Variants in DMXL1 observed in about 807,000 individuals in gnomAD.
DMXL1 encodes Dmx like 1.
DMXL1 carries 99 observed loss-of-function variants against 319.2 expected under a neutral mutation model. The ratio of observed to expected loss-of-function variants is 0.31; its 90% CI spans 0.26 to 0.37. The LOEUF (loss-of-function observed/expected upper bound fraction) is 0.37, where lower values mean the gene tolerates loss of function less well. DMXL1 is among the 10% of genes least tolerant of loss of function. The pLI, the probability that DMXL1 is intolerant of heterozygous loss-of-function variation, is 1.00. For missense variants in DMXL1, 3,745 were observed against 3,595.6 expected (o/e 1.04, Z -1.06); for synonymous variants, 1,385 against 1,235.2 (o/e 1.12, Z -2.54).
At position 119,159,918 on chromosome 5, in the gene DMXL1, C is replaced by G. The variant is rs1771919219; in HGVS notation, c.4703-4589C>G. 2.0e-5 allele frequency among the ~76,000 whole-genome samples: 3 copies of G among 152,354 alleles called. No homozygotes were observed. In the East Asian group the frequency reaches 5.8e-4, roughly 29 times the overall value. Reference sequence around the variant, plus strand: ...GTATTACAGGCATGAGCCACTGCGCCTAGCCTTTCTTTTTCTTAATCTTGC... The same window carrying G: ...GTATTACAGGCATGAGCCACTGCGCGTAGCCTTTCTTTTTCTTAATCTTGC... On this transcript the variant is annotated intron_variant, in intron 19 of 43. Transcript: ENST00000539542.
At position 119,147,378 on chromosome 5, in the gene DMXL1, C is replaced by A; in HGVS notation, c.2819C>A (p.Thr940Asn). The A allele has an allele frequency of 6.2e-7, 1 of 1,613,322 alleles. No homozygotes were observed. The highest frequency in any genetic ancestry group is 8.5e-7 in the Non-Finnish European group (1 of 1,179,524). The change falls in exon 17 of 44, where the codon ACC becomes AAC. Residue 940 changes from threonine (T) to asparagine (N), a missense_variant. Physicochemically the swap from Thr to Asn is moderately conservative, Grantham distance 65. This residue lies in a region of DMXL1 where 2,096 missense variants were observed against 1,985.4 expected (regional missense o/e 1.06). Coordinates refer to ENST00000539542, the MANE Select transcript of DMXL1 (RefSeq NM_001290321.3). ...GCTTGCAGAGCAAATCTCCAGAGTA[C>A]CAGCAGGTTGACTCTGTTTTCAGAA... ...YQACRANLQSTSRLTLFSEMV... is the reference protein window; with the variant it reads ...YQACRANLQSNSRLTLFSEMV...
chr5:119,186,627 A>C (rs903652169), intron 28 of DMXL1, among the ~76,000 whole-genome samples: 4 of 152,220 alleles, frequency 2.6e-5, no homozygotes, highest in Admixed American at 2.0e-4. Flanking sequence ...ACAGCAATAT[A>C]TGTGTGTGGT....
intron 9 of DMXL1, chr5:119,128,135 A>G (rs918162101): frequency 4.0e-6 from 2 of 497,380 alleles, no homozygotes; most frequent in South Asian, 3.0e-5. Context: ...GTGAGCAGCA[A>G]CTGAACACCA....
intron 18 of DMXL1, among the ~76,000 whole-genome samples, chr5:119,151,324 C>T (rs1030884663): frequency 4.0e-5 from 6 of 151,722 alleles, no homozygotes; most frequent in South Asian, 2.1e-4. Context: ...ACCATATATA[C>T]GTCAGTATCC....
At chr5:119,138,343 G>A (rs1766504372) in intron 13 of DMXL1, among the ~76,000 whole-genome samples, 1 of 152,188 alleles carries the variant, frequency 6.6e-6, no homozygotes, top group African/African-American at 2.4e-5. Flanking sequence ...GAAGTAGCAG[G>A]TTTTGAGGGG....
At chr5:119,198,358 G>T (rs1780040308) in intron 32 of DMXL1, among the ~76,000 whole-genome samples, 1 of 152,112 alleles carries the variant, frequency 6.6e-6, no homozygotes, top group African/African-American at 2.4e-5. Context: ...ACTCAACCCT[G>T]CCATTGTAGA....
At chr5:119,115,608 A>G (rs1760670069) in intron 6 of DMXL1, among the ~76,000 whole-genome samples, 1 of 152,184 alleles carries the variant, frequency 6.6e-6, no homozygotes. Context: ...ATAGCTTAAA[A>G]GCAGTACCTG....
intron 1 of DMXL1, among the ~76,000 whole-genome samples, chr5:119,087,527 T>G (rs541057906): frequency 1.3e-5 from 2 of 152,358 alleles, no homozygotes; most frequent in South Asian, 2.1e-4. Flanking sequence ...GTACTTGATA[T>G]AATTTCTGTT....
At position 119,170,426 on chromosome 5, in the gene DMXL1, T is replaced by A. The variant is rs1224471553; in HGVS notation, c.5635T>A (p.Ser1879Thr). 1 of 1,613,994 alleles carries A rather than the reference T, an allele frequency of 6.2e-7. No individual in the cohort carries two copies. Among genetic ancestry groups the A allele is most frequent in the South Asian group, 1.1e-5 (1 of 91,066 alleles). Residue 1879 changes from serine to threonine, a missense_variant, in exon 24 of 44, where the codon TCA (serine) becomes ACA (threonine). Physicochemically the swap from Ser to Thr is moderately conservative, Grantham distance 58. Transcript: ENST00000539542. ...CCCAATGTTGGCTTTGGAAGTATTATCAAAGATGCCTAAAGTCATCAAGAA... is the reference window on the plus strand; with the variant it reads ...CCCAATGTTGGCTTTGGAAGTATTAACAAAGATGCCTAAAGTCATCAAGAA... Reference protein sequence around the residue: ...GCPMLALEVLSKMPKVIKKTR... With the variant: ...GCPMLALEVLTKMPKVIKKTR...
At chr5:119,131,166 T>C (rs1310092588) in intron 10 of DMXL1, among the ~76,000 whole-genome samples, 1 of 151,912 alleles carries the variant, frequency 6.6e-6, no homozygotes, top group East Asian at 1.9e-4. Context: ...TTTTTTTTTT[T>C]TCTTATTGAT....
intron 29 of DMXL1, among the ~76,000 whole-genome samples, chr5:119,192,244 A>G (rs919727077): frequency 2.0e-5 from 3 of 152,152 alleles, no homozygotes; most frequent in Non-Finnish European, 4.4e-5. Flanking sequence ...TCCTCCTGTT[A>G]TAATGGAGAA....
intron 37 of DMXL1, among the ~76,000 whole-genome samples, chr5:119,222,626 A>G (rs1216832772): frequency 1.3e-5 from 2 of 152,172 alleles, no homozygotes; most frequent in Admixed American, 6.5e-5. Context: ...TTCTTTACAC[A>G]GCAGCAGCCA....
chr5:119,105,194 G>A lies in DMXL1; in HGVS notation c.300G>A (p.Gln100=), dbSNP rs201001324. ...KQKKNLELYS[Q]WQKSGQFFLE... is the part of the protein sequence containing the mutation. ...CTTAATTTTAGGAATTATATAGTCA[G>A]TGGCAGAAAAGTGGCCAATTTTTTC... Residue 100 remains glutamine (Q), a synonymous_variant, in exon 4 of 44, where the codon CAG becomes CAA. Transcript: ENST00000539542. 9.9e-6 allele frequency: 16 copies of A among 1,611,202 alleles called. No homozygotes were observed. In the East Asian group the frequency reaches 3.4e-4, roughly 34 times the overall value.
intron 13 of DMXL1, among the ~76,000 whole-genome samples, chr5:119,137,017 G>T (rs1397008630): frequency 6.6e-6 from 1 of 152,210 alleles, no homozygotes; most frequent in African/African-American, 2.4e-5. Flanking sequence ...CTGACAGTTT[G>T]CACCATGTGC....
chr5:119,137,142 A>G lies in DMXL1; in HGVS notation c.2376+2753A>G, dbSNP rs114669786. On this transcript the variant is annotated intron_variant, in intron 13 of 43. Coordinates refer to ENST00000539542, the MANE Select transcript of DMXL1 (RefSeq NM_001290321.3). ...GCCGTGGGAACCCACACCTGTGTCA[A>G]TGTGCCCTGGATGCAAGACATGTAG... 6.1e-3 allele frequency among the ~76,000 whole-genome samples: 934 copies of G among 152,364 alleles called. 11 individuals are homozygous for G. Among genetic ancestry groups the G allele is most frequent in the African/African-American group, 0.02 (812 of 41,588 alleles).
intron 9 of DMXL1, among the ~76,000 whole-genome samples, chr5:119,126,210 G>A (rs1310514740): frequency 6.6e-6 from 1 of 152,182 alleles, no homozygotes. Flanking sequence ...TTGAACCTGG[G>A]AGGCGGAGGT....
intron 1 of DMXL1, among the ~76,000 whole-genome samples, chr5:119,091,571 T>G: frequency 6.6e-6 from 1 of 152,274 alleles, no homozygotes; most frequent in Middle Eastern, 3.4e-3. Flanking sequence ...TTTATTCTAG[T>G]CTTTGGCTTG....
rs749813047 is a variant in DMXL1, at chr5:119,121,014, C to G, written c.977C>G (p.Ala326Gly). Reference protein sequence around the residue: ...HFRRGRRRSLALVAHTGYLPH... With the variant: ...HFRRGRRRSLGLVAHTGYLPH... Reference sequence around the variant, plus strand: ...CGTAGAGGTCGGAGGAGATCACTTGCTCTTGTAGCACATACGGGATATCTA... The same window carrying G: ...CGTAGAGGTCGGAGGAGATCACTTGGTCTTGTAGCACATACGGGATATCTA... Residue 326 changes from alanine to glycine, a missense_variant, in exon 9 of 44, where the codon GCT (alanine) becomes GGT (glycine). By Grantham distance (60) the Ala-to-Gly change is moderately conservative (BLOSUM62 0). Around this residue, in one of 4 missense-constraint regions of DMXL1, gnomAD observed 2,096 missense variants for 1,985.4 expected, o/e 1.06. Coordinates refer to ENST00000539542, the MANE Select transcript of DMXL1 (RefSeq NM_001290321.3). 2.1e-5 allele frequency: 34 copies of G among 1,613,214 alleles called. No homozygotes were observed. The highest frequency in any genetic ancestry group is 2.5e-5 in the Non-Finnish European group (30 of 1,179,840).
chr5:119,166,498 G>A, intron 21 of DMXL1, 118 bp from the exon 22 acceptor site: 1 of 795,292 alleles, frequency 1.3e-6, no homozygotes, highest in Non-Finnish European at 2.0e-6. Flanking sequence ...TACATAGTAA[G>A]TTATGAACTG....
Sources: allele counts gnomAD v4.1 joint callset (sites outside exome capture counted in the v4.1 genomes callset), GRCh38; gene constraint gnomAD v4.1.1; regional missense constraint gnomAD v4.1.1; transcripts MANE v1.5; gene names NCBI Gene and HGNC (gene_info 2026-07-23, HGNC 2026-07-21).